Variants in NRXN3 observed in about 807,000 individuals in gnomAD.
NRXN3 encodes neurexin 3.
NRXN3 carries 32 observed loss-of-function variants against 137.6 expected under a neutral mutation model. The observed-to-expected ratio is 0.23, with a 90% CI of 0.18 to 0.31. The LOEUF is 0.31. Ranked by LOEUF, NRXN3 falls within the 10% of genes least tolerant of loss-of-function variation. The pLI is 1.00. For synonymous variants in NRXN3, 798 were observed against 784.5 expected (o/e 1.02, Z -0.29); for missense variants, 1,574 against 2,062.5 (o/e 0.76, Z 4.59).
At chr14:78,378,943 G>A (rs1374523877) in intron 4 of NRXN3, among the ~76,000 whole-genome samples, 3 of 151,960 alleles carry the variant, frequency 2.0e-5, no homozygotes, top group Non-Finnish European at 2.9e-5. Context: ...AAAGGATATC[G>A]CTATAGACAT....
At chr14:78,412,161 C>A (rs2092872326) in intron 4 of NRXN3, among the ~76,000 whole-genome samples, 1 of 152,184 alleles carries the variant, frequency 6.6e-6, no homozygotes, top group Admixed American at 6.5e-5. Flanking sequence ...AATAGAGTGA[C>A]ATTTCCTGAC....
intron 20 of NRXN3, among the ~76,000 whole-genome samples, chr14:79,808,285 T>C (rs1011176964): frequency 3.5e-5 from 5 of 143,136 alleles, no homozygotes; most frequent in African/African-American, 1.4e-4. Flanking sequence ...TGTATGTATG[T>C]ATGTATGTAT....
chr14:79,796,522 T>TG (rs1484999449), intron 19 of NRXN3, among the ~76,000 whole-genome samples: 6 of 151,680 alleles, frequency 4.0e-5, no homozygotes, highest in Non-Finnish European at 7.4e-5. Context: ...ATCTTAAAAG[T>TG]GGGGGGAAAA....
chr14:79,740,730 A>AACCT (rs2098959507), intron 19 of NRXN3, among the ~76,000 whole-genome samples: 2 of 30,306 alleles, frequency 6.6e-5, no homozygotes, highest in Non-Finnish European at 1.4e-4. Flanking sequence ...ATATATATAT[A>AACCT]TATATATATA....
At chr14:79,362,978 T>TTG (rs2153421029) in intron 15 of NRXN3, among the ~76,000 whole-genome samples, 1 of 151,754 alleles carries the variant, frequency 6.6e-6, no homozygotes, top group African/African-American at 2.4e-5. Flanking sequence ...AAATGGTGAG[T>TTG]GACCATTTAG....
At chr14:78,609,178 A>G (rs1681800891) in intron 4 of NRXN3, among the ~76,000 whole-genome samples, 1 of 152,102 alleles carries the variant, frequency 6.6e-6, no homozygotes, top group Non-Finnish European at 1.5e-5. Context: ...TTGAGAAGGA[A>G]GAGAATCATG....
intron 7 of NRXN3, among the ~76,000 whole-genome samples, chr14:78,714,047 G>A (rs1222326621): frequency 6.6e-6 from 1 of 152,214 alleles, no homozygotes; most frequent in African/African-American, 2.4e-5. Context: ...ACCAGAGACA[G>A]AATAGGTCTT....
intron 6 of NRXN3, among the ~76,000 whole-genome samples, chr14:78,673,019 T>C (rs1013385216): frequency 1.3e-5 from 2 of 152,248 alleles, no homozygotes; most frequent in Non-Finnish European, 2.9e-5. Flanking sequence ...TGTTTTTCTC[T>C]AATGAACAGC....
intron 15 of NRXN3, among the ~76,000 whole-genome samples, chr14:79,251,834 T>TC (rs2075975590): frequency 6.6e-6 from 1 of 152,034 alleles, no homozygotes; most frequent in Non-Finnish European, 1.5e-5. Flanking sequence ...TCTTTTCTTT[T>TC]TTTTTTCAGG....
chr14:78,432,789 C>T (rs758991525), intron 4 of NRXN3, among the ~76,000 whole-genome samples: 1 of 152,166 alleles, frequency 6.6e-6, no homozygotes, highest in Non-Finnish European at 1.5e-5. Context: ...TCAGGAATGT[C>T]TGACCAATGG....
At chr14:78,947,342 C>A (rs2099367506) in intron 10 of NRXN3, among the ~76,000 whole-genome samples, 1 of 152,194 alleles carries the variant, frequency 6.6e-6, no homozygotes, top group Non-Finnish European at 1.5e-5. Flanking sequence ...ATGCTGCAAA[C>A]ACCATGGAGG....
At chr14:79,426,495 A>C (rs1311451302) in intron 15 of NRXN3, among the ~76,000 whole-genome samples, 1 of 152,208 alleles carries the variant, frequency 6.6e-6, no homozygotes, top group Non-Finnish European at 1.5e-5. Context: ...GTACCTATTG[A>C]TAGAATGTGC....
At chr14:78,179,810 GT>G (rs1164540691) in intron 1 of NRXN3, among the ~76,000 whole-genome samples, 17 of 28,844 alleles carry the variant, frequency 5.9e-4, no homozygotes, top group African/African-American at 1.4e-3. Context: ...TTTGTTCTTT[GT>G]TTTTTTTTTT....
intron 19 of NRXN3, among the ~76,000 whole-genome samples, chr14:79,719,133 G>A (rs1378240952): frequency 1.3e-5 from 2 of 151,964 alleles, no homozygotes; most frequent in South Asian, 4.1e-4. Context: ...TCGTCCCTTT[G>A]TTTGAAATCT....
intron 17 of NRXN3, among the ~76,000 whole-genome samples, chr14:79,689,037 T>G (rs1035608458): frequency 1.3e-5 from 2 of 152,144 alleles, no homozygotes; most frequent in African/African-American, 4.8e-5. Context: ...TCAGTGTGAT[T>G]AAGAAATGAA....
rs567403891 is a variant in NRXN3 at position 79,329,693 on chromosome 14, T to C, written c.3263-137528T>C. Among the ~76,000 whole-genome samples the C allele has an allele frequency of 5.3e-5, 8 of 152,320 alleles. No homozygotes were observed. The South Asian group carries it at 1.7e-3, about 32-fold the overall frequency. On this transcript the variant is annotated intron_variant, in intron 15 of 20. Transcript: ENST00000335750. ...CATGGAGATGAGAATATGTGAGCCT[T>C]GTTTGAGAATTGCTTAGCTAGTGTG...
chr14:79,070,460 C>T (rs2099686210), intron 15 of NRXN3, among the ~76,000 whole-genome samples: 1 of 152,168 alleles, frequency 6.6e-6, no homozygotes, highest in Non-Finnish European at 1.5e-5. Flanking sequence ...TATTTGATAG[C>T]CTTGAGTAAT....
chr14:79,255,566 A>C (rs576458739), intron 15 of NRXN3, among the ~76,000 whole-genome samples: 1 of 152,390 alleles, frequency 6.6e-6, no homozygotes, highest in African/African-American at 2.4e-5. Flanking sequence ...TTGTTGCATT[A>C]AATGAGATAA....
intron 2 of NRXN3, among the ~76,000 whole-genome samples, chr14:78,261,925 G>A (rs756740485): frequency 1.3e-5 from 2 of 152,196 alleles, no homozygotes; most frequent in South Asian, 2.1e-4. Context: ...CAGTTATGGC[G>A]CCTGTCTGCA....
Sources: gnomAD v4.1 joint callset for allele counts (sites outside exome capture counted in the v4.1 genomes callset) on GRCh38, gnomAD v4.1.1 for gene constraint, MANE v1.5 for transcripts, NCBI Gene and HGNC (gene_info 2026-07-23, HGNC 2026-07-21) for gene names.